The following EMG1 variants were observed in gnomAD, a reference collection of about 807,000 sequenced individuals.
EMG1 encodes the protein ribosomal RNA small subunit methyltransferase NEP1.
A neutral mutation model predicts 26.9 loss-of-function variants in EMG1; 24 were observed. The ratio of observed to expected loss-of-function variants is 0.89; its 90% CI spans 0.65 to 1.26. The LOEUF is 1.26. Among genes scored for constraint, EMG1 ranks in the 50% most tolerant of loss-of-function variants. EMG1 has a pLI of 0.00. For synonymous variants in EMG1, 140 were observed against 112.6 expected, an observed-to-expected ratio of 1.24 and a Z score of -1.54; for missense variants, 299 against 307.6, an observed-to-expected ratio of 0.97 and a Z score of 0.21.
chr12:6,989,656 AG>A (rs1307714966), downstream of EMG1, among the ~76,000 whole-genome samples: 2 of 152,136 alleles, frequency 1.3e-5, no homozygotes, highest in African/African-American at 2.4e-5. Context: ...AGCCCTCTTC[AG>A]GGGTTGTAGT....
At chr12:6,972,423 G>A (rs1049491468) in intron 1 of EMG1, among the ~76,000 whole-genome samples, 22 of 151,950 alleles carry the variant, frequency 1.4e-4, no homozygotes, top group African/African-American at 4.8e-4. Flanking sequence ...AGACTTTTTG[G>A]AGCCATATAT....
Position 6,978,693 on chromosome 12 carries a change from G to C in EMG1, c.*2884G>C, listed in dbSNP as rs1280453731. Reference sequence around the variant, plus strand: ...AGCGGAACCAGAAGGGGTGGTTCTTGAGGGAAGAAAGCACAGTGCATTAGG... The same window carrying C: ...AGCGGAACCAGAAGGGGTGGTTCTTCAGGGAAGAAAGCACAGTGCATTAGG... On this transcript the variant is annotated 3_prime_UTR_variant, in exon 6 of 6. Transcript: ENST00000599672. 6.2e-7 allele frequency: 1 copy of C among 1,614,140 alleles called. No individual in the cohort carries two copies. The highest frequency in any genetic ancestry group is 1.1e-5 in the South Asian group (1 of 91,066).
downstream of EMG1, chr12:6,982,049 C>T: frequency 1.6e-6 from 1 of 619,386 alleles, no homozygotes; most frequent in Non-Finnish European, 2.9e-6. Flanking sequence ...GTGCTGAAAA[C>T]CTGTAATGGG....
downstream of EMG1, among the ~76,000 whole-genome samples, chr12:6,989,313 G>GTTT (rs113013257): frequency 3.2e-5 from 4 of 126,458 alleles, no homozygotes; most frequent in Admixed American, 7.9e-5. Context: ...CAAAATGCGT[G>GTTT]TTTTTTTTTT....
Position 6,979,628 on chromosome 12 carries a change from C to T in EMG1, c.*3819C>T. ...CTGGTCACAGAGAGCAGAGACTATT[C>T]CCTTCACCCTCTGACCTTCAGTTAT... On this transcript the variant is annotated 3_prime_UTR_variant, in exon 6 of 6. Coordinates refer to ENST00000599672, the MANE Select transcript of EMG1 (RefSeq NM_006331.8). 7.8e-7 allele frequency: 1 copy of T among 1,288,204 alleles called. No individual in the cohort carries two copies. Among genetic ancestry groups the T allele is most frequent in the Non-Finnish European group, 1.1e-6 (1 of 884,780 alleles). 79.8% of individuals were successfully genotyped at this position (1,288,204 alleles called of 1,614,324 possible).
chr12:6,978,825 G>C lies in EMG1; in HGVS notation c.*3016G>C. On this transcript the variant is annotated 3_prime_UTR_variant, in exon 6 of 6. Coordinates refer to ENST00000599672, the MANE Select transcript of EMG1 (RefSeq NM_006331.8). Reference sequence around the variant, plus strand: ...TGCTGCCAGATGCCCTCAATAGTCTGGCCTGATTGCCTTCACAATAGGCAG... The same window carrying C: ...TGCTGCCAGATGCCCTCAATAGTCTCGCCTGATTGCCTTCACAATAGGCAG... 1 of 1,269,556 alleles carries C rather than the reference G, an allele frequency of 7.9e-7. No individual in the cohort carries two copies. The allele number at this position is 1,269,556 out of a possible 1,614,324, so 78.6% of individuals were successfully genotyped here.
chr12:6,982,408 T>C (rs937781275), downstream of EMG1, among the ~76,000 whole-genome samples: 7 of 152,154 alleles, frequency 4.6e-5, no homozygotes, highest in African/African-American at 1.4e-4. Context: ...TGCTCCTGGA[T>C]AGTGGGTTAA....
At chr12:6,992,287 GC>G (rs1555155569), downstream of EMG1, among the ~76,000 whole-genome samples, 1 of 151,110 alleles carries the variant, frequency 6.6e-6, no homozygotes, top group African/African-American at 2.4e-5. Context: ...GAGCTGTGAT[GC>G]CCCCACCGCA....
chr12:6,988,065 T>C, intron 7 of EMG1: 1 of 346,568 alleles, frequency 2.9e-6, no homozygotes, highest in East Asian at 4.2e-5. Context: ...AAAAAAAGAT[T>C]TAAGACAAAA....
intron 1 of EMG1, among the ~76,000 whole-genome samples, chr12:6,973,004 A>ATT (rs11462026): frequency 0.015 from 2,118 of 137,584 alleles, 44 homozygotes; most frequent in African/African-American, 0.048. Context: ...CGCCTGGCTA[A>ATT]TTTTTTTTTT....
downstream of EMG1, chr12:6,983,687 A>AT: frequency 1.7e-6 from 1 of 599,668 alleles, no homozygotes; most frequent in Admixed American, 3.3e-5. Flanking sequence ...AGAGAAGGCA[A>AT]TAACGGTATC....
downstream of EMG1, among the ~76,000 whole-genome samples, chr12:6,989,600 TG>T: frequency 6.6e-6 from 1 of 152,134 alleles, no homozygotes; most frequent in Non-Finnish European, 1.5e-5. Flanking sequence ...GCCCGGCCAA[TG>T]CTGTGGTCTT....
In EMG1 at chr12:6,977,645, G is replaced by T; in HGVS notation, c.*1836G>T. On this transcript the variant is annotated 3_prime_UTR_variant, in exon 6 of 6. Transcript: ENST00000599672. This position sits in a 1 kb window ranked among gnomAD's most constrained non-coding sequence, Gnocchi z 4.5. ...AGGAATTCCATCTGGAAGCAGACCA[G>T]GTATCCTGAGTGCAGGCCGTGCCAG... 2 of 1,614,242 alleles carry T rather than the reference G, an allele frequency of 1.2e-6. No individual in the cohort carries two copies. The highest frequency in any genetic ancestry group is 1.1e-5 in the South Asian group (1 of 91,084).
chr12:6,994,655 A>C (rs1591552724), intron 7 of EMG1, among the ~76,000 whole-genome samples: 1 of 151,818 alleles, frequency 6.6e-6, no homozygotes, highest in Non-Finnish European at 1.5e-5. Flanking sequence ...GAGTTTCACC[A>C]TGTTGCTCAG....
At chr12:6,983,954 G>A (rs1483745473), downstream of EMG1, among the ~76,000 whole-genome samples, 2 of 152,144 alleles carry the variant, frequency 1.3e-5, no homozygotes, top group Admixed American at 6.5e-5. Flanking sequence ...ACCAGCCTGA[G>A]CAACATAGCG....
downstream of EMG1, chr12:6,981,929 C>G: frequency 8.8e-7 from 1 of 1,133,502 alleles, no homozygotes. Flanking sequence ...AGTATTTATT[C>G]TAGCATCACT....
chr12:6,983,503 A>T, downstream of EMG1: 1 of 1,612,684 alleles, frequency 6.2e-7, no homozygotes, highest in Non-Finnish European at 8.5e-7. Flanking sequence ...CTCCTTGTAG[A>T]AAAGGTAATG....
downstream of EMG1, among the ~76,000 whole-genome samples, chr12:6,984,834 C>T (rs1371311403): frequency 6.6e-6 from 1 of 152,196 alleles, no homozygotes; most frequent in African/African-American, 2.4e-5. Flanking sequence ...ATCTTCCTGC[C>T]TTGGCCTCCC....
chr12:6,983,761 G>C (rs1304505539), downstream of EMG1, among the ~76,000 whole-genome samples: 2 of 152,098 alleles, frequency 1.3e-5, no homozygotes, highest in African/African-American at 2.4e-5. Flanking sequence ...ATTTGATTGA[G>C]GCAATATAAA....
Sources: allele counts gnomAD v4.1 joint callset (sites outside exome capture counted in the v4.1 genomes callset), GRCh38; gene constraint gnomAD v4.1.1; non-coding constraint Gnocchi (gnomAD v3.1); transcripts MANE v1.5; gene names NCBI Gene and HGNC (gene_info 2026-07-23, HGNC 2026-07-21).